NLK: variants seen among roughly 807,000 people sequenced by gnomAD.
The protein encoded by NLK is nemo like kinase, also known as serine/threonine-protein kinase NLK.
In NLK, 11 loss-of-function variants were observed where a neutral mutation model predicts 59.0. The observed-to-expected ratio is 0.19, with a 90% CI of 0.12 to 0.31. The LOEUF is 0.31. Ranked by LOEUF, NLK falls within the 10% of genes least tolerant of loss-of-function variation. NLK has a pLI of 1.00. For missense variants in NLK, 410 were observed against 661.1 expected, an observed-to-expected ratio of 0.62 and a Z score of 4.16; for synonymous variants, 235 against 235.9, an observed-to-expected ratio of 1.00 and a Z score of 0.03.
chr17:28,162,221 T>G (rs751069831), intron 4 of NLK, among the ~76,000 whole-genome samples: 2 of 152,038 alleles, frequency 1.3e-5, no homozygotes, highest in Non-Finnish European at 2.9e-5. Flanking sequence ...TTCACCGTAT[T>G]AGCCAGGATG....
At chr17:28,189,771 T>C in intron 8 of NLK, among the ~76,000 whole-genome samples, 1 of 152,156 alleles carries the variant, frequency 6.6e-6, no homozygotes, top group Admixed American at 6.5e-5. Flanking sequence ...AAAGTTTACT[T>C]GCTAAGAATG....
downstream of NLK, among the ~76,000 whole-genome samples, chr17:28,199,461 T>G (rs766336531): frequency 6.6e-6 from 1 of 150,828 alleles, no homozygotes; most frequent in Non-Finnish European, 1.5e-5. Context: ...AGGTCAAGAG[T>G]TCGAGACCAC....
intron 10 of NLK, among the ~76,000 whole-genome samples, chr17:28,193,515 A>G (rs1408166570): frequency 6.6e-6 from 1 of 152,236 alleles, no homozygotes; most frequent in Non-Finnish European, 1.5e-5. Context: ...ATGCCCTTCC[A>G]GCACCCTCTG....
chr17:28,059,543 A>G (rs1201898619), intron 1 of NLK, among the ~76,000 whole-genome samples: 4 of 152,220 alleles, frequency 2.6e-5, no homozygotes, highest in African/African-American at 7.2e-5. Flanking sequence ...CTTATCTAAT[A>G]TATCAAAACA....
At chr17:28,148,294 C>T (rs983676334) in intron 3 of NLK, among the ~76,000 whole-genome samples, 3 of 151,610 alleles carry the variant, frequency 2.0e-5, no homozygotes, top group Non-Finnish European at 4.4e-5. Flanking sequence ...TACACATGCA[C>T]ATAAACATTT....
chr17:28,112,958 G>A (rs1905589420), intron 1 of NLK, among the ~76,000 whole-genome samples: 1 of 152,088 alleles, frequency 6.6e-6, no homozygotes, highest in African/African-American at 2.4e-5. Flanking sequence ...TCTACAGAAT[G>A]AATTTGGCAC....
chr17:28,162,005 G>A (rs1043200447), intron 4 of NLK, among the ~76,000 whole-genome samples: 3 of 151,994 alleles, frequency 2.0e-5, no homozygotes, highest in African/African-American at 7.3e-5. Flanking sequence ...AATGCCAAAA[G>A]GATGAAAACA....
intron 2 of NLK, among the ~76,000 whole-genome samples, chr17:28,127,372 A>G (rs1906333087): frequency 6.6e-6 from 1 of 152,250 alleles, no homozygotes; most frequent in Non-Finnish European, 1.5e-5. Context: ...TAGGTTACAG[A>G]ATCATACAGT....
chr17:28,064,042 T>C (rs1008226858), intron 1 of NLK, among the ~76,000 whole-genome samples: 2 of 152,150 alleles, frequency 1.3e-5, no homozygotes, highest in Non-Finnish European at 2.9e-5. Context: ...TGCAACACTT[T>C]TAGTGATAAT....
intron 7 of NLK, among the ~76,000 whole-genome samples, chr17:28,173,594 T>G (rs571314762): frequency 8.5e-5 from 13 of 152,338 alleles, no homozygotes; most frequent in African/African-American, 3.1e-4. Flanking sequence ...TAAATAGAGA[T>G]GTATGCTTGT....
At chr17:28,163,070 G>A (rs1414888096) in intron 4 of NLK, among the ~76,000 whole-genome samples, 1 of 152,184 alleles carries the variant, frequency 6.6e-6, no homozygotes, top group Admixed American at 6.5e-5. Flanking sequence ...GATTCTGAGC[G>A]GTAAAGAATA....
At chr17:28,197,314 T>C (rs989126576), downstream of NLK, among the ~76,000 whole-genome samples, 2 of 151,800 alleles carry the variant, frequency 1.3e-5, no homozygotes, top group African/African-American at 2.4e-5. Context: ...ACTAAAAATA[T>C]AAAAATTAGC....
chr17:28,062,676 G>A (rs1597659266), intron 1 of NLK, among the ~76,000 whole-genome samples: 1 of 152,126 alleles, frequency 6.6e-6, no homozygotes, highest in South Asian at 2.1e-4. Context: ...TGCCTCCCGG[G>A]TTCAAGCGAT....
At chr17:28,199,656 A>G (rs1212840528), downstream of NLK, among the ~76,000 whole-genome samples, 2 of 120,698 alleles carry the variant, frequency 1.7e-5, no homozygotes, top group Non-Finnish European at 3.3e-5. Context: ...ACAGAGTGAG[A>G]CTCTGTCTCA....
intron 1 of NLK, among the ~76,000 whole-genome samples, chr17:28,044,866 C>G (rs1414466964): frequency 6.6e-6 from 1 of 152,056 alleles, no homozygotes; most frequent in African/African-American, 2.4e-5. Flanking sequence ...TTTTTTAGTG[C>G]CTTACATACA....
chr17:28,129,637 G>A (rs1436246490), intron 2 of NLK, among the ~76,000 whole-genome samples: 2 of 152,062 alleles, frequency 1.3e-5, no homozygotes, highest in East Asian at 3.8e-4. Context: ...TCTATTATGG[G>A]GAGAGAGTGG....
chr17:28,117,801 A>C (rs1905845314), intron 1 of NLK, among the ~76,000 whole-genome samples: 1 of 152,182 alleles, frequency 6.6e-6, no homozygotes. Flanking sequence ...TGAGAAAAGA[A>C]CTCGGCTAAT....
At chr17:28,171,052 A>G (rs1482736201) in intron 6 of NLK, among the ~76,000 whole-genome samples, 1 of 152,210 alleles carries the variant, frequency 6.6e-6, no homozygotes, top group African/African-American at 2.4e-5. Context: ...TTTCTCATGT[A>G]TGGATCTGAC....
intron 1 of NLK, among the ~76,000 whole-genome samples, chr17:28,060,974 T>C (rs565683412): frequency 6.6e-6 from 1 of 152,260 alleles, no homozygotes; most frequent in Non-Finnish European, 1.5e-5. Flanking sequence ...TGTCTATGAG[T>C]AGTAGAGTGG....
Sources: allele counts gnomAD v4.1 joint callset (sites outside exome capture counted in the v4.1 genomes callset), GRCh38; gene constraint gnomAD v4.1.1; transcripts MANE v1.5; gene names NCBI Gene and HGNC (gene_info 2026-07-23, HGNC 2026-07-21).